Variants in PTPRD observed in about 807,000 individuals in gnomAD.
The protein encoded by PTPRD is receptor-type tyrosine-protein phosphatase delta.
A neutral mutation model predicts 214.5 loss-of-function variants in PTPRD; 34 were observed. That is an observed-to-expected ratio of 0.16 (90% CI 0.12 to 0.21). The LOEUF (loss-of-function observed/expected upper bound fraction) is 0.21, where lower values mean the gene tolerates loss of function less well. Ranked by LOEUF, PTPRD falls within the 10% of genes least tolerant of loss-of-function variation. PTPRD has a pLI of 1.00. For missense variants in PTPRD, 2,545 were observed against 2,398.7 expected, an observed-to-expected ratio of 1.06 and a Z score of -1.27; for synonymous variants, 1,128 against 845.7, an observed-to-expected ratio of 1.33 and a Z score of -5.79.
chr9:9,358,832 A>G (rs966547567), intron 9 of PTPRD, among the ~76,000 whole-genome samples: 1 of 151,272 alleles, frequency 6.6e-6, no homozygotes, highest in Non-Finnish European at 1.5e-5. Context: ...TCTTAATCGC[A>G]TTCTTGTATA....
chr9:8,978,619 A>G (rs2099283164), intron 11 of PTPRD, among the ~76,000 whole-genome samples: 4 of 152,096 alleles, frequency 2.6e-5, no homozygotes, highest in Admixed American at 2.6e-4. Context: ...GATGCAGCAT[A>G]AGCTGGAGCT....
rs1413032407 is a variant in PTPRD, at chr9:9,618,050, C to T, written c.-286-43269G>A. ...TCGCGCCACTGCACTCCAGCCTGGGCGACAGAGCGAGACTCCATCTCAAAA... is the reference window on the plus strand; with the variant it reads ...TCGCGCCACTGCACTCCAGCCTGGGTGACAGAGCGAGACTCCATCTCAAAA... On this transcript the variant is annotated intron_variant, in intron 7 of 45. Coordinates refer to ENST00000381196, the MANE Select transcript of PTPRD (RefSeq NM_002839.4). 4.5e-4 allele frequency among the ~76,000 whole-genome samples: 40 copies of T among 89,574 alleles called. No homozygotes were observed. The South Asian group carries it at 0.011, about 26-fold the overall frequency. The allele number at this position is 89,574 out of a possible 152,430, so 58.8% of individuals were successfully genotyped here. A position where few individuals can be genotyped will look rare whatever the true frequency, so the allele number is the denominator to read the frequency against.
At chr9:9,053,475 T>G (rs1211024706) in intron 10 of PTPRD, among the ~76,000 whole-genome samples, 1 of 152,078 alleles carries the variant, frequency 6.6e-6, no homozygotes, top group Non-Finnish European at 1.5e-5. Flanking sequence ...TTTGAAGAGC[T>G]GATGTATTTT....
chr9:8,586,726 A>G (rs530332182), intron 14 of PTPRD, among the ~76,000 whole-genome samples: 102 of 152,258 alleles, frequency 6.7e-4, no homozygotes, highest in African/African-American at 2.4e-3. Flanking sequence ...CTACCCACAC[A>G]TTTGCCAACG....
chr9:9,519,814 A>T (rs562495460), intron 8 of PTPRD, among the ~76,000 whole-genome samples: 1 of 152,132 alleles, frequency 6.6e-6, no homozygotes, highest in South Asian at 2.1e-4. Context: ...AATCCATAAA[A>T]ATCCTGAAAA....
At chr9:8,666,475 G>A (rs181662528) in intron 12 of PTPRD, among the ~76,000 whole-genome samples, 46 of 152,308 alleles carry the variant, frequency 3.0e-4, no homozygotes, top group Admixed American at 7.8e-4. Flanking sequence ...AATGGAATTC[G>A]TATGGCTTCA....
intron 8 of PTPRD, among the ~76,000 whole-genome samples, chr9:9,459,765 C>T (rs2093454091): frequency 1.3e-5 from 2 of 152,118 alleles, no homozygotes; most frequent in South Asian, 2.1e-4. Context: ...AATGACCCTA[C>T]TTTCTTAAGC....
chr9:9,485,437 T>C (rs1268698199), intron 8 of PTPRD, among the ~76,000 whole-genome samples: 1 of 152,220 alleles, frequency 6.6e-6, no homozygotes, highest in Non-Finnish European at 1.5e-5. Context: ...GTATCAATCT[T>C]AAATTTTGAT....
rs996108959 is a variant in PTPRD at position 9,891,411 on chromosome 9, G to A, written c.-368+47096C>T. On this transcript the variant is annotated intron_variant, in intron 5 of 45. Coordinates refer to ENST00000381196, the MANE Select transcript of PTPRD (RefSeq NM_002839.4). ...TTTTAGCACAGAAGTATCATTCTGC[G>A]AAAGCTGTGAGCAATTTGTCATTTA... Among the ~76,000 whole-genome samples, 17 of 150,210 alleles carry A rather than the reference G, an allele frequency of 1.1e-4. No homozygotes were observed. The East Asian group carries it at 1.2e-3, about 10-fold the overall frequency.
intron 30 of PTPRD, among the ~76,000 whole-genome samples, chr9:8,482,596 T>C (rs954615833): frequency 5.9e-5 from 9 of 152,178 alleles, no homozygotes; most frequent in Admixed American, 4.6e-4. Flanking sequence ...GCACAATAGA[T>C]GCTCAACAAA....
At chr9:9,498,235 G>T (rs891710566) in intron 8 of PTPRD, among the ~76,000 whole-genome samples, 10 of 152,142 alleles carry the variant, frequency 6.6e-5, no homozygotes, top group African/African-American at 9.7e-5. Context: ...TTCTGCAAGA[G>T]AAGTGATTTT....
chr9:9,727,478 A>C lies in PTPRD; in HGVS notation c.-287+7055T>G, dbSNP rs142907022. Among the ~76,000 whole-genome samples, 254 of 152,284 alleles carry C rather than the reference A, an allele frequency of 1.7e-3. 1 individual carries two copies. Among genetic ancestry groups the C allele is most frequent in the African/African-American group, 5.7e-3 (237 of 41,562 alleles). On this transcript the variant is annotated intron_variant, in intron 7 of 45. Coordinates refer to ENST00000381196, the MANE Select transcript of PTPRD (RefSeq NM_002839.4). ...AATTAAATTAAATGAAAATATCTTC[A>C]TAAAAGCATTCATAAATATTTTATG...
At chr9:10,219,042 A>G (rs1031863107) in intron 3 of PTPRD, among the ~76,000 whole-genome samples, 1 of 151,818 alleles carries the variant, frequency 6.6e-6, no homozygotes, top group African/African-American at 2.4e-5. Flanking sequence ...CTTGAAAGTT[A>G]AAAACCCAAA....
intron 12 of PTPRD, among the ~76,000 whole-genome samples, chr9:8,720,687 G>GTTT (rs113484347): frequency 1.3e-5 from 2 of 151,144 alleles, no homozygotes; most frequent in African/African-American, 4.9e-5. Context: ...AAATTGATGT[G>GTTT]TTTTTTTTTA....
intron 7 of PTPRD, among the ~76,000 whole-genome samples, chr9:9,589,748 G>C (rs530001229): frequency 3.6e-4 from 55 of 151,962 alleles, no homozygotes; most frequent in African/African-American, 1.3e-3. Flanking sequence ...TATTCCATTG[G>C]GTATGCATCC....
intron 11 of PTPRD, among the ~76,000 whole-genome samples, chr9:8,875,110 A>ACC (rs2098371269): frequency 6.6e-6 from 1 of 152,162 alleles, no homozygotes; most frequent in Non-Finnish European, 1.5e-5. Context: ...TCCCCCTTTA[A>ACC]AGTTTTGGGG....
At chr9:9,897,339 A>G (rs771371916) in intron 5 of PTPRD, among the ~76,000 whole-genome samples, 10 of 152,110 alleles carry the variant, frequency 6.6e-5, no homozygotes, top group Non-Finnish European at 5.9e-5. Flanking sequence ...ATATAAAGAC[A>G]GTATTATGAA....
At chr9:10,082,835 AC>A in intron 3 of PTPRD, among the ~76,000 whole-genome samples, 1 of 95,486 alleles carries the variant, frequency 1.0e-5, no homozygotes, top group Non-Finnish European at 2.5e-5. Flanking sequence ...ACACACACAC[AC>A]ACAAACACAC....
At chr9:8,767,878 A>C (rs936999243) in intron 11 of PTPRD, among the ~76,000 whole-genome samples, 2 of 152,218 alleles carry the variant, frequency 1.3e-5, no homozygotes, top group African/African-American at 4.8e-5. Context: ...AAAAAGACCC[A>C]CTGCTGTGTA....
Sources: gnomAD v4.1 joint callset for allele counts (sites outside exome capture counted in the v4.1 genomes callset) on GRCh38, gnomAD v4.1.1 for gene constraint, MANE v1.5 for transcripts, NCBI Gene and HGNC (gene_info 2026-07-23, HGNC 2026-07-21) for gene names.